The following ZNG1B variants were observed in gnomAD, a reference collection of about 807,000 sequenced individuals.
ZNG1B encodes Zn regulated GTPase metalloprotein activator 1B, also known as zinc-regulated GTPase metalloprotein activator 1B.
chr2:113,473,489 GC>G, the ZNG1B span, among the ~76,000 whole-genome samples: 2 of 151,038 alleles, frequency 1.3e-5, no homozygotes, highest in Admixed American at 6.6e-5. Context: ...TCCTTCTCCT[GC>G]CTAATTGCCC....
chr2:113,472,410 G>A, the ZNG1B span, among the ~76,000 whole-genome samples: 159 of 151,722 alleles, frequency 1.0e-3, no homozygotes, highest in African/African-American at 3.6e-3. Flanking sequence ...AGTAGGTTGC[G>A]AAAATTTTCT....
At chr2:113,445,310 G>C in the ZNG1B span, 1 of 394,352 alleles carries the variant, frequency 2.5e-6, no homozygotes, top group South Asian at 3.5e-5. Flanking sequence ...TTATTTGTAA[G>C]AACAGAAGTT....
the ZNG1B span, chr2:113,468,879 T>TTTACAAA: frequency 6.6e-6 from 1 of 151,852 alleles, no homozygotes; most frequent in Admixed American, 6.6e-5. Flanking sequence ...TGTAATTTGT[T>TTTACAAA]GTACAGGTCT....
the ZNG1B span, among the ~76,000 whole-genome samples, chr2:113,458,159 C>T: frequency 6.6e-6 from 1 of 151,040 alleles, no homozygotes; most frequent in Non-Finnish European, 1.5e-5. Flanking sequence ...CCAAAATTTC[C>T]ATTTTGTTTT....
At chr2:113,442,281 CA>C in the ZNG1B span, among the ~76,000 whole-genome samples, 2 of 151,796 alleles carry the variant, frequency 1.3e-5, no homozygotes, top group Middle Eastern at 3.2e-3. Context: ...AAACTGTAGT[CA>C]AAAAAATAGC....
At chr2:113,464,296 AAAG>A in the ZNG1B span, among the ~76,000 whole-genome samples, 2 of 109,624 alleles carry the variant, frequency 1.8e-5, no homozygotes, top group Middle Eastern at 3.6e-3. Flanking sequence ...TGTATTCAAA[AAAG>A]AAGATTTAAG....
At chr2:113,448,702 A>G in the ZNG1B span, among the ~76,000 whole-genome samples, 1 of 152,168 alleles carries the variant, frequency 6.6e-6, no homozygotes, top group African/African-American at 2.4e-5. Context: ...CAGGAGTTCA[A>G]GACCAGCCTG....
At chr2:113,495,359 A>G in the ZNG1B span, 3 of 1,383,900 alleles carry the variant, frequency 2.2e-6, no homozygotes, top group Non-Finnish European at 2.9e-6. Flanking sequence ...TTAAAACTAA[A>G]TAAGCTTGTG....
chr2:113,490,123 C>T, the ZNG1B span, among the ~76,000 whole-genome samples: 1 of 151,006 alleles, frequency 6.6e-6, no homozygotes, highest in Non-Finnish European at 1.5e-5. Context: ...ACAAAATGAG[C>T]CTCAATAAAT....
At chr2:113,467,403 AT>A in the ZNG1B span, among the ~76,000 whole-genome samples, 1 of 108,318 alleles carries the variant, frequency 9.2e-6, no homozygotes, top group Non-Finnish European at 1.8e-5. Context: ...CTTTTTCTTA[AT>A]TTTTAGAAAT....
At chr2:113,454,671 G>C in the ZNG1B span, 1 of 1,481,648 alleles carries the variant, frequency 6.7e-7, no homozygotes, top group East Asian at 2.3e-5. Context: ...TTTTCATTCT[G>C]AAGTATGGTT....
chr2:113,483,154 T>C, the ZNG1B span, among the ~76,000 whole-genome samples: 1 of 152,418 alleles, frequency 6.6e-6, no homozygotes, highest in East Asian at 1.9e-4. Context: ...GTATCTGTCA[T>C]ATAGCTGAAC....
At chr2:113,473,595 C>G in the ZNG1B span, among the ~76,000 whole-genome samples, 20 of 151,494 alleles carry the variant, frequency 1.3e-4, no homozygotes, top group Non-Finnish European at 2.5e-4. Flanking sequence ...CCAGTTTTTG[C>G]CCATTCAGTA....
At chr2:113,444,591 A>G in the ZNG1B span, among the ~76,000 whole-genome samples, 2 of 152,168 alleles carry the variant, frequency 1.3e-5, no homozygotes, top group Admixed American at 6.5e-5. Flanking sequence ...GGTGTTTAAT[A>G]TCAGTGTCCC....
At chr2:113,455,593 C>T in the ZNG1B span, 1 of 1,287,166 alleles carries the variant, frequency 7.8e-7, no homozygotes, top group Non-Finnish European at 1.0e-6. Flanking sequence ...ATGAAATCAT[C>T]CCACCCACTG....
the ZNG1B span, chr2:113,462,782 A>G: frequency 1.1e-3 from 561 of 488,512 alleles, 1 homozygote; most frequent in African/African-American, 7.7e-3. Flanking sequence ...CCTAATGTCA[A>G]TCTTCCCTAA....
chr2:113,445,202 G>A, the ZNG1B span: 57 of 999,528 alleles, frequency 5.7e-5, no homozygotes, highest in Non-Finnish European at 7.4e-5. Flanking sequence ...AAAAGTACTC[G>A]GTTGTCATTT....
the ZNG1B span, among the ~76,000 whole-genome samples, chr2:113,486,496 G>C: frequency 2.0e-5 from 3 of 148,560 alleles, no homozygotes; most frequent in South Asian, 6.5e-4. Context: ...GCTTATGCTT[G>C]TAATCCTCAC....
chr2:113,476,003 A>G, the ZNG1B span, among the ~76,000 whole-genome samples: 3 of 152,026 alleles, frequency 2.0e-5, no homozygotes, highest in East Asian at 3.9e-4. Flanking sequence ...TCTTTGTGGC[A>G]TTCTCTGTAT....
Sources: allele counts gnomAD v4.1 joint callset (sites outside exome capture counted in the v4.1 genomes callset), GRCh38; gene constraint gnomAD v4.1.1; transcripts MANE v1.5; gene names NCBI Gene and HGNC (gene_info 2026-07-23, HGNC 2026-07-21).